AR: variants seen among roughly 807,000 people sequenced by gnomAD.
AR encodes androgen receptor, also known as dihydrotestosterone receptor.
A neutral mutation model predicts 53.9 loss-of-function variants in AR; 8 were observed. The ratio of observed to expected loss-of-function variants is 0.15; its 90% confidence interval spans 0.09 to 0.27. AR has a LOEUF of 0.27. Among genes scored for constraint, AR ranks in the 10% least tolerant of loss-of-function variants. The pLI, the probability that AR is intolerant of heterozygous loss-of-function variation, is 1.00. For missense variants in AR, 639 were observed against 742.5 expected, an observed-to-expected ratio of 0.86 and a Z score of 1.62; for synonymous variants, 359 against 316.4, an observed-to-expected ratio of 1.13 and a Z score of -1.43.
chrX:67,685,903 A>T lies in AR; in HGVS notation c.1769-107A>T, dbSNP rs750743649. ...GTGCCATACTCTGTCCACTTTTTTC[A>T]TGTGGTAGGATATAATTTCATATCT... On this transcript the variant is annotated intron_variant, in intron 2 of 7. Coordinates refer to ENST00000374690, the MANE Select transcript of AR (RefSeq NM_000044.6). 10 of 1,114,629 alleles carry T rather than the reference A, an allele frequency of 9.0e-6. No homozygotes were observed. In the South Asian group the frequency reaches 2.0e-4, roughly 22 times the overall value. The allele number at this position is 1,114,629 out of a possible 1,213,427, so 91.9% of individuals were successfully genotyped here.
At chrX:67,704,063 G>C (rs1050657838) in intron 3 of AR, among the ~76,000 whole-genome samples, 1 of 111,854 alleles carries the variant, frequency 8.9e-6, no homozygotes, top group Non-Finnish European at 1.9e-5. Context: ...CATTTGGGTT[G>C]GTTCCAAGGC....
intron 5 of AR, among the ~76,000 whole-genome samples, chrX:67,718,834 A>G (rs1418478925): frequency 9.0e-6 from 1 of 111,365 alleles, no homozygotes; most frequent in Non-Finnish European, 1.9e-5. Context: ...GGATTTCACC[A>G]TGTTAGCCAG....
intron 2 of AR, among the ~76,000 whole-genome samples, chrX:67,685,730 T>G (rs1178172705): frequency 9.0e-6 from 1 of 111,208 alleles, no homozygotes; most frequent in Non-Finnish European, 1.9e-5. Flanking sequence ...GAGCACCTTA[T>G]TTTAAAAACC....
At chrX:67,695,576 A>G (rs1287472858) in intron 3 of AR, 12 of 751,777 alleles carry the variant, frequency 1.6e-5, no homozygotes, top group Non-Finnish European at 1.9e-5. Context: ...AGAGTTTGGA[A>G]TATCTTGTTC....
rs1344809259 is a variant in AR, at chrX:67,546,382, G to C, written c.1236G>C (p.Ala412=). The change falls in exon 1 of 8, where the codon GCG becomes GCC. Residue 412 remains alanine, a synonymous_variant. Coordinates refer to ENST00000374690, the MANE Select transcript of AR (RefSeq NM_000044.6). Reference sequence around the variant, plus strand: ...CGCAGTGCCGCTATGGGGACCTGGCGAGCCTGCATGGCGCGGGTGCAGCGG... The same window carrying C: ...CGCAGTGCCGCTATGGGGACCTGGCCAGCCTGCATGGCGCGGGTGCAGCGG... ...AAAQCRYGDL[A]SLHGAGAAGP... 18 of 1,182,668 alleles carry C rather than the reference G, an allele frequency of 1.5e-5. No individual in the cohort carries two copies. The highest frequency in any genetic ancestry group is 2.0e-5 in the Non-Finnish European group (18 of 882,045).
chrX:67,674,782 G>A (rs999864834), intron 2 of AR, among the ~76,000 whole-genome samples: 2 of 111,391 alleles, frequency 1.8e-5, no homozygotes, highest in Non-Finnish European at 3.8e-5. Context: ...AGTCCATTTG[G>A]TGCTCTACAC....
At chrX:67,653,956 A>G (rs759381771) in intron 2 of AR, among the ~76,000 whole-genome samples, 81 of 111,969 alleles carry the variant, frequency 7.2e-4, no homozygotes, top group Non-Finnish European at 1.3e-3. Flanking sequence ...AATAAAAAAT[A>G]AAAATATAAC....
At chrX:67,593,513 A>G (rs770486327) in intron 1 of AR, among the ~76,000 whole-genome samples, 7 of 109,994 alleles carry the variant, frequency 6.4e-5, no homozygotes, top group Non-Finnish European at 1.1e-4. Flanking sequence ...CACCATGCCC[A>G]GCTAATGTTT....
Position 67,686,896 on chromosome X carries a change from G to A in AR, c.1885+770G>A, listed in dbSNP as rs137872493. 5.2e-3 allele frequency among the ~76,000 whole-genome samples: 576 copies of A among 110,749 alleles called. 3 individuals are homozygous for A. The highest frequency in any genetic ancestry group is 0.018 in the African/African-American group (559 of 30,475). On this transcript the variant is annotated intron_variant, in intron 3 of 7. Transcript: ENST00000374690. The stretch of plus-strand genomic sequence containing the variant: ...CAGAAAGGCTTGACATCAGTTGATT[G>A]AGACTTATATTTTCCCTCTCCAAAC...
chrX:67,704,058 G>A (rs1443758919), intron 3 of AR, among the ~76,000 whole-genome samples: 3 of 111,842 alleles, frequency 2.7e-5, no homozygotes, highest in African/African-American at 9.8e-5. Flanking sequence ...ATGGACATTT[G>A]GGTTGGTTCC....
chrX:67,604,263 C>A (rs1255260412), intron 1 of AR, among the ~76,000 whole-genome samples: 3 of 94,046 alleles, frequency 3.2e-5, no homozygotes, highest in African/African-American at 1.3e-4. Flanking sequence ...ATTTCTGGGA[C>A]TAAGGATGGG....
chrX:67,680,166 T>C (rs962588387), intron 2 of AR, among the ~76,000 whole-genome samples: 2 of 112,144 alleles, frequency 1.8e-5, no homozygotes, highest in Admixed American at 9.5e-5. Flanking sequence ...TCATCCTTTC[T>C]TCACTGAATT....
At chrX:67,718,051 C>T (rs2076120911) in intron 5 of AR, among the ~76,000 whole-genome samples, 1 of 112,541 alleles carries the variant, frequency 8.9e-6, no homozygotes, top group Non-Finnish European at 1.9e-5. Flanking sequence ...ATGCTAGATA[C>T]TTTCTAAATC....
At chrX:67,581,011 G>C (rs1931338019) in intron 1 of AR, among the ~76,000 whole-genome samples, 1 of 112,047 alleles carries the variant, frequency 8.9e-6, no homozygotes, top group Non-Finnish European at 1.9e-5. Context: ...GGTTGGACGT[G>C]AGAATCATTA....
At chrX:67,641,897 C>CA (rs1348488749) in intron 1 of AR, among the ~76,000 whole-genome samples, 1 of 98,692 alleles carries the variant, frequency 1.0e-5, no homozygotes, top group Non-Finnish European at 2.0e-5. Context: ...CTGTGCTGAA[C>CA]ATTCAAACCA....
At chrX:67,661,417 G>T (rs1926908796) in intron 2 of AR, among the ~76,000 whole-genome samples, 1 of 110,924 alleles carries the variant, frequency 9.0e-6, no homozygotes, top group Admixed American at 9.9e-5. Flanking sequence ...AGAGTTTTTA[G>T]CATGAAGCGC....
In AR at chrX:67,545,943, A is replaced by G. The variant is rs900807115; in HGVS notation, c.797A>G (p.Asp266Gly). Residue 266 changes from aspartate to glycine, a missense_variant, in exon 1 of 8, where the codon GAT becomes GGT. Physicochemically the swap from Asp to Gly is moderately conservative, Grantham distance 94. Around this residue, in one of 5 missense-constraint regions of AR, gnomAD observed 423 missense variants for 377.0 expected, o/e 1.12. Coordinates refer to ENST00000374690, the MANE Select transcript of AR (RefSeq NM_000044.6). ...HLSPGEQLRG[D>G]CMYAPLLGVP... ...AGTCCAGGGGAACAGCTTCGGGGGG[A>G]TTGCATGTACGCCCCACTTTTGGGA... The G allele has an allele frequency of 8.3e-7, 1 of 1,211,437 alleles. No individual in the cohort carries two copies. The highest frequency in any genetic ancestry group is 1.1e-6 in the Non-Finnish European group (1 of 895,386).
intron 4 of AR, among the ~76,000 whole-genome samples, chrX:67,717,277 G>T (rs2076117132): frequency 9.0e-6 from 1 of 111,471 alleles, no homozygotes; most frequent in Admixed American, 9.5e-5. Flanking sequence ...GCAGCTCAGG[G>T]AAGTAGGGAG....
intron 1 of AR, among the ~76,000 whole-genome samples, chrX:67,575,273 G>A (rs887870922): frequency 9.0e-6 from 1 of 111,568 alleles, no homozygotes; most frequent in South Asian, 3.8e-4. Flanking sequence ...CTTGAAAGAG[G>A]TCCAAATATC....
Sources: allele counts gnomAD v4.1 joint callset (sites outside exome capture counted in the v4.1 genomes callset), GRCh38; gene constraint gnomAD v4.1.1; regional missense constraint gnomAD v4.1.1; transcripts MANE v1.5; gene names NCBI Gene and HGNC (gene_info 2026-07-23, HGNC 2026-07-21).